ZNF704: variants seen among roughly 807,000 people sequenced by gnomAD.
ZNF704 encodes zinc finger protein 704.
ZNF704 carries 10 observed loss-of-function variants against 44.7 expected under a neutral mutation model. The ratio of observed to expected loss-of-function variants is 0.22; its 90% CI spans 0.14 to 0.38. ZNF704 has a LOEUF of 0.38. Ranked by LOEUF, ZNF704 falls within the 10% of genes least tolerant of loss-of-function variation. The probability of loss-of-function intolerance (pLI) is 1.00; values close to 1 mark genes in which losing one functional copy is unlikely to be tolerated. For synonymous variants in ZNF704, 211 were observed against 207.6 expected (o/e 1.02, Z -0.14); for missense variants, 390 against 545.5 (o/e 0.71, Z 2.84).
At chr8:80,808,842 C>T (rs998523240) in intron 2 of ZNF704, among the ~76,000 whole-genome samples, 6 of 152,230 alleles carry the variant, frequency 3.9e-5, no homozygotes, top group South Asian at 2.1e-4. Flanking sequence ...AAACAGTTCA[C>T]AGTCACCAGT....
chr8:80,685,328 A>C (rs1432229710), intron 4 of ZNF704, among the ~76,000 whole-genome samples: 1 of 152,134 alleles, frequency 6.6e-6, no homozygotes, highest in Non-Finnish European at 1.5e-5. Context: ...AGGGTATGAC[A>C]GGCTTTCATT....
chr8:80,758,887 GGTA>G (rs1292424269), intron 2 of ZNF704, among the ~76,000 whole-genome samples: 3 of 152,086 alleles, frequency 2.0e-5, no homozygotes, highest in Non-Finnish European at 4.4e-5. Context: ...AATAAAATAT[GGTA>G]GTATTATCCC....
chr8:80,829,295 C>T (rs1458970252), intron 1 of ZNF704, among the ~76,000 whole-genome samples: 2 of 152,226 alleles, frequency 1.3e-5, no homozygotes, highest in African/African-American at 4.8e-5. Context: ...ACTCTCTCTG[C>T]CTGGAGGTGG....
rs1248457332 is a variant in ZNF704 at position 80,874,205 on chromosome 8, C to A, written c.-22+366G>T. Among the ~76,000 whole-genome samples, 1 of 146,106 alleles carries A rather than the reference C, an allele frequency of 6.8e-6. No individual in the cohort carries two copies. Among genetic ancestry groups the A allele is most frequent in the East Asian group, 2.0e-4 (1 of 5,028 alleles). ...CCGCGGCTGCCACTGGCTGCAGAGG[C>A]GCGGGCGCCGCCTTCGCTGGACCGG... On this transcript the variant is annotated intron_variant, in intron 1 of 8. Coordinates refer to ENST00000327835, the MANE Select transcript of ZNF704 (RefSeq NM_001033723.3). This position sits in a 1 kb window ranked among gnomAD's most constrained non-coding sequence, Gnocchi z 4.4.
rs1808762038 is a variant in ZNF704 at position 80,846,037 on chromosome 8, T to C, written c.-21-24422A>G. Among the ~76,000 whole-genome samples, 3 of 152,232 alleles carry C rather than the reference T, an allele frequency of 2.0e-5. No homozygotes were observed. The South Asian group carries it at 6.2e-4, about 31-fold the overall frequency. On this transcript the variant is annotated intron_variant, in intron 1 of 8. Transcript: ENST00000327835. ...ATTTTCTATGCTGCTGAGTATTGTG[T>C]ATAACATTCAAGATTTTGAAGAACG...
chr8:80,690,075 C>T (rs970583478), intron 3 of ZNF704, among the ~76,000 whole-genome samples: 1 of 149,348 alleles, frequency 6.7e-6, no homozygotes, highest in Non-Finnish European at 1.5e-5. Flanking sequence ...AAAAAAAAAG[C>T]CTTCATTATA....
rs1025548726 is a variant in ZNF704 at position 80,631,077 on chromosome 8, C to T, written c.*10289G>A. The T allele has an allele frequency of 6.6e-6, 1 of 152,148 alleles. No individual in the cohort carries two copies. Among genetic ancestry groups the T allele is most frequent in the African/African-American group, 2.4e-5 (1 of 41,426 alleles). 9.4% of individuals were successfully genotyped at this position (152,148 alleles called of 1,614,324 possible). ...AGTCAGGAGACTGTGAAAGGAGGGG[C>T]TTTGCTATCATCACAGGTGTTGGTC... On this transcript the variant is annotated 3_prime_UTR_variant, in exon 9 of 9. Coordinates refer to ENST00000327835, the MANE Select transcript of ZNF704 (RefSeq NM_001033723.3).
rs761973607 is a variant in ZNF704, at chr8:80,670,623, A to G, written c.559-20T>C. 4.7e-5 allele frequency: 70 copies of G among 1,495,910 alleles called. No individual in the cohort carries two copies. The highest frequency in any genetic ancestry group is 6.2e-5 in the Non-Finnish European group (67 of 1,075,138). 92.7% of individuals were successfully genotyped at this position (1,495,910 alleles called of 1,614,324 possible). A position where few individuals can be genotyped will look rare whatever the true frequency, so the allele number is the denominator to read the frequency against. ...GGAATTCTGTAAAGGGGAGAGAGTGATATTAGAATGGAAACTATTTTCTAA... is the reference window on the plus strand; with the variant it reads ...GGAATTCTGTAAAGGGGAGAGAGTGGTATTAGAATGGAAACTATTTTCTAA... On this transcript the variant is annotated intron_variant, in intron 4 of 8. Transcript: ENST00000327835.
In ZNF704 at chr8:80,844,829, T is replaced by TTTTATTTATTTATTTA. The variant is rs60668049; in HGVS notation, c.-21-23230_-21-23215dup. Among the ~76,000 whole-genome samples the TTTTATTTATTTATTTA allele has an allele frequency of 1.7e-3, 251 of 148,962 alleles. 1 individual carries two copies. Among genetic ancestry groups the TTTTATTTATTTATTTA allele is most frequent in the African/African-American group, 5.7e-3 (231 of 40,486 alleles). ...GAAGCTTGAATTTTTTTTCTTCTCT[T>TTTTATTTATTTATTTA]TTTATTTATTTATTTATTTATTTAT... On this transcript the variant is annotated intron_variant, in intron 1 of 8. Transcript: ENST00000327835.
At chr8:80,684,298 A>C (rs568079883) in intron 4 of ZNF704, among the ~76,000 whole-genome samples, 2 of 152,360 alleles carry the variant, frequency 1.3e-5, no homozygotes, top group South Asian at 4.1e-4. Context: ...TACATTTTGC[A>C]CAGCACATAC....
intron 2 of ZNF704, among the ~76,000 whole-genome samples, chr8:80,754,745 G>C (rs1807006693): frequency 6.6e-6 from 1 of 152,164 alleles, no homozygotes; most frequent in Non-Finnish European, 1.5e-5. Context: ...GATCTGCCTG[G>C]GTCAGTGGAA....
Position 80,830,696 on chromosome 8 carries a change from G to A in ZNF704, c.-21-9081C>T, listed in dbSNP as rs529700388. Among the ~76,000 whole-genome samples the A allele has an allele frequency of 3.3e-5, 5 of 150,806 alleles. No homozygotes were observed. In the East Asian group the frequency reaches 9.8e-4, roughly 29 times the overall value. On this transcript the variant is annotated intron_variant, in intron 1 of 8. Coordinates refer to ENST00000327835, the MANE Select transcript of ZNF704 (RefSeq NM_001033723.3). ...GAAGGAAGGAAGGAAGGAAACCAGA[G>A]TAACTAAGGAAGGAGGGAAACCAGA...
At chr8:80,723,751 T>A (rs2131672876) in intron 2 of ZNF704, among the ~76,000 whole-genome samples, 1 of 152,270 alleles carries the variant, frequency 6.6e-6, no homozygotes, top group Admixed American at 6.5e-5. Flanking sequence ...GGGTACATGG[T>A]TTTCAAAATC....
At chr8:80,750,549 CT>C (rs1430637761) in intron 2 of ZNF704, among the ~76,000 whole-genome samples, 14 of 149,410 alleles carry the variant, frequency 9.4e-5, no homozygotes, top group Admixed American at 4.0e-4. Flanking sequence ...TTGTTTTGCT[CT>C]TGTTGCCCAG....
intron 2 of ZNF704, among the ~76,000 whole-genome samples, chr8:80,752,680 T>G (rs1374340209): frequency 1.3e-5 from 2 of 152,196 alleles, no homozygotes; most frequent in Non-Finnish European, 2.9e-5. Flanking sequence ...TGGCTAGGAT[T>G]ACAGGCCTGT....
At chr8:80,832,731 G>T (rs1808491046) in intron 1 of ZNF704, among the ~76,000 whole-genome samples, 1 of 151,576 alleles carries the variant, frequency 6.6e-6, no homozygotes, top group Admixed American at 6.6e-5. Context: ...ATCACTCTTA[G>T]CAAACAATAG....
intron 2 of ZNF704, among the ~76,000 whole-genome samples, chr8:80,727,445 CG>C (rs1806503638): frequency 6.7e-6 from 1 of 148,422 alleles, no homozygotes; most frequent in African/African-American, 2.5e-5. Context: ...TTTTTTTTTT[CG>C]TTTTTAAAAA....
chr8:80,680,998 C>T (rs796813692), intron 4 of ZNF704, among the ~76,000 whole-genome samples: 23 of 152,148 alleles, frequency 1.5e-4, no homozygotes, highest in African/African-American at 5.5e-4. Context: ...CTTTTTTTCC[C>T]CCTCTGCATA....
At chr8:80,803,116 A>G (rs1807929528) in intron 2 of ZNF704, among the ~76,000 whole-genome samples, 1 of 152,218 alleles carries the variant, frequency 6.6e-6, no homozygotes, top group Non-Finnish European at 1.5e-5. Context: ...TAAAATACCT[A>G]GGAATACAGC....
Sources: allele counts gnomAD v4.1 joint callset (sites outside exome capture counted in the v4.1 genomes callset), GRCh38; gene constraint gnomAD v4.1.1; non-coding constraint Gnocchi (gnomAD v3.1); transcripts MANE v1.5; gene names NCBI Gene and HGNC (gene_info 2026-07-23, HGNC 2026-07-21).